CFAP45: variants seen among roughly 807,000 people sequenced by gnomAD.
CFAP45 encodes the protein cilia- and flagella-associated protein 45.
Under a neutral mutation model 75.6 loss-of-function variants are expected in CFAP45, and 43 were observed. The observed-to-expected ratio is 0.57, with a 90% CI of 0.45 to 0.73. The LOEUF is 0.73. Ranked by LOEUF, CFAP45 falls within the 30% of genes least tolerant of loss-of-function variation. CFAP45 has a pLI of 0.00. For missense variants in CFAP45, 689 were observed against 701.5 expected (o/e 0.98, Z 0.20); for synonymous variants, 223 against 244.6 (o/e 0.91, Z 0.82).
At chr1:159,878,992 C>T (rs767128139) in intron 8 of CFAP45, among the ~76,000 whole-genome samples, 2 of 152,066 alleles carry the variant, frequency 1.3e-5, no homozygotes, top group Non-Finnish European at 2.9e-5. Flanking sequence ...ACCGTGAGGT[C>T]GGTAAGGGCT....
intron 10 of CFAP45, chr1:159,873,485 G>T (rs1247121064): frequency 2.7e-6 from 1 of 375,302 alleles, no homozygotes; most frequent in Admixed American, 4.1e-5. Flanking sequence ...TTTGAACAAG[G>T]GAGTCCACAC....
chr1:159,878,753 T>TAAAAAAAAACAAAAAAAAAA (rs1649469678), intron 8 of CFAP45, among the ~76,000 whole-genome samples: 1 of 32,496 alleles, frequency 3.1e-5, no homozygotes. Context: ...AGACTACATC[T>TAAAAAAAAACAAAAAAAAAA]AAAAAAAAAA....
intron 1 of CFAP45, among the ~76,000 whole-genome samples, chr1:159,898,556 G>C (rs1386319839): frequency 6.6e-6 from 1 of 152,160 alleles, no homozygotes; most frequent in Non-Finnish European, 1.5e-5. Flanking sequence ...TTACAGAGGG[G>C]CTCAGTGAGT....
At chr1:159,879,889 C>A (rs1426936578) in intron 8 of CFAP45, among the ~76,000 whole-genome samples, 3 of 152,172 alleles carry the variant, frequency 2.0e-5, no homozygotes, top group Non-Finnish European at 4.4e-5. Context: ...ACCTTGAGTA[C>A]TTCCTCCTCT....
chr1:159,872,841 C>T (rs1159263172), intron 11 of CFAP45, 103 bp downstream of exon 11: 4 of 1,154,410 alleles, frequency 3.5e-6, no homozygotes, highest in Non-Finnish European at 3.8e-6. Flanking sequence ...CTGAGCATCT[C>T]TGCCATGGCC....
At chr1:159,876,085 T>G (rs987655324) in intron 10 of CFAP45, among the ~76,000 whole-genome samples, 1 of 152,204 alleles carries the variant, frequency 6.6e-6, no homozygotes, top group African/African-American at 2.4e-5. Flanking sequence ...CACAGAGCCC[T>G]GCATTTCTGT....
intron 8 of CFAP45, 24 bp from the exon 9 acceptor site, chr1:159,877,486 G>T: frequency 6.5e-7 from 1 of 1,538,578 alleles, no homozygotes; most frequent in Non-Finnish European, 9.0e-7. Context: ...AGGCCTTGTA[G>T]AATAGTTGCC....
At position 159,877,411 on chromosome 1, in the gene CFAP45, C is replaced by G. The variant is rs1649428668; in HGVS notation, c.1096G>C (p.Glu366Gln). ...AEQERIRREK[E>Q]KEIARLRAMQ... Reference sequence around the variant, plus strand: ...GCCCTCAAGCGTGCGATCTCCTTCTCTTTCTCCCTCCGGATTCTCTCCTGC... The same window carrying G: ...GCCCTCAAGCGTGCGATCTCCTTCTGTTTCTCCCTCCGGATTCTCTCCTGC... Residue 366 changes from glutamate to glutamine, a missense_variant, in exon 9 of 12, where the codon GAG becomes CAG. By Grantham distance (29) the Glu-to-Gln change is conservative (BLOSUM62 2). Coordinates refer to ENST00000368099, the MANE Select transcript of CFAP45 (RefSeq NM_012337.3). The G allele has an allele frequency of 6.2e-7, 1 of 1,614,176 alleles. No homozygotes were observed. The highest frequency in any genetic ancestry group is 8.5e-7 in the Non-Finnish European group (1 of 1,180,010).
At chr1:159,881,012 C>T (rs986727575) in intron 7 of CFAP45, among the ~76,000 whole-genome samples, 1 of 152,206 alleles carries the variant, frequency 6.6e-6, no homozygotes, top group Non-Finnish European at 1.5e-5. Context: ...CTAAATCCTA[C>T]CCCTGTGGCT....
At position 159,880,708 on chromosome 1, in the gene CFAP45, C is replaced by A; in HGVS notation, c.898-8G>T. Reference sequence around the variant, plus strand: ...CTGCCTTCGTTCCATGTCCTGCCAGCAAAAGAAAGAGAGCCTCAGAGTACA... The same window carrying A: ...CTGCCTTCGTTCCATGTCCTGCCAGAAAAAGAAAGAGAGCCTCAGAGTACA... On this transcript the variant is annotated splice_region_variant and splice_polypyrimidine_tract_variant and intron_variant, in intron 7 of 11. Coordinates refer to ENST00000368099, the MANE Select transcript of CFAP45 (RefSeq NM_012337.3). The A allele has an allele frequency of 1.2e-6, 2 of 1,613,148 alleles. No individual in the cohort carries two copies. Among genetic ancestry groups the A allele is most frequent in the Non-Finnish European group, 1.7e-6 (2 of 1,179,566 alleles).
Position 159,887,922 on chromosome 1 carries a change from G to A in CFAP45, c.507C>T (p.Ala169=), listed in dbSNP as rs765162327. 6.1e-5 allele frequency: 99 copies of A among 1,614,062 alleles called. No individual in the cohort carries two copies. The highest frequency in any genetic ancestry group is 8.2e-5 in the Non-Finnish European group (97 of 1,180,040). Residue 169 remains alanine (A), a synonymous_variant, in exon 5 of 12, where the codon GCC becomes GCT. Coordinates refer to ENST00000368099, the MANE Select transcript of CFAP45 (RefSeq NM_012337.3). ...GCAGGAGGTTCTGGGCCCGTTCCTT[G>A]GCCACCTCCTCCAGGTCACTGAGCT... ...NKKLSDLEEV[A]KERAQNLLQR...
At chr1:159,882,060 G>A (rs1034942295) in intron 7 of CFAP45, among the ~76,000 whole-genome samples, 14 of 152,274 alleles carry the variant, frequency 9.2e-5, no homozygotes, top group African/African-American at 3.4e-4. Context: ...TTGGCTCACT[G>A]CCCAGTTCAA....
chr1:159,890,658 AC>A, intron 2 of CFAP45, 36 bp from the exon 3 acceptor site: 3 of 1,605,464 alleles, frequency 1.9e-6, no homozygotes, highest in Non-Finnish European at 2.6e-6. Flanking sequence ...GAAGCTTGTC[AC>A]CCCCACTTCC....
chr1:159,877,011 C>A (rs146487217), intron 9 of CFAP45, among the ~76,000 whole-genome samples: 1 of 152,356 alleles, frequency 6.6e-6, no homozygotes, highest in Non-Finnish European at 1.5e-5. Context: ...CATCTCCAGG[C>A]AGTCTTGAAA....
chr1:159,900,120 C>T lies in CFAP45; in HGVS notation c.-22G>A, dbSNP rs772539960. On this transcript the variant is annotated 5_prime_UTR_variant, in exon 1 of 12. Coordinates refer to ENST00000368099, the MANE Select transcript of CFAP45 (RefSeq NM_012337.3). ...CCATCTCCTCAGCCACACGCCCTGACTCCGGACTTCTGCTGCCGCCTCGGC... is the reference window on the plus strand; with the variant it reads ...CCATCTCCTCAGCCACACGCCCTGATTCCGGACTTCTGCTGCCGCCTCGGC... 4 of 1,614,182 alleles carry T rather than the reference C, an allele frequency of 2.5e-6. No homozygotes were observed. The highest frequency in any genetic ancestry group is 3.4e-6 in the Non-Finnish European group (4 of 1,180,016).
rs956516906 is a variant in CFAP45 at position 159,893,303 on chromosome 1, T to C, written c.6A>G (p.Pro2=). The C allele has an allele frequency of 2.5e-6, 4 of 1,612,848 alleles. No individual in the cohort carries two copies. Among genetic ancestry groups the C allele is most frequent in the Non-Finnish European group, 3.4e-6 (4 of 1,179,838 alleles). Residue 2 remains proline, a splice_region_variant and synonymous_variant, in exon 2 of 12, where the codon CCA becomes CCG. Coordinates refer to ENST00000368099, the MANE Select transcript of CFAP45 (RefSeq NM_012337.3). M[P]LSTAGILSSS... ...AGCTCAGGATGCCAGCTGTGCTTAGTGGCTGCAGGAAGAGGCAGAAAGTTT... is the reference window on the plus strand; with the variant it reads ...AGCTCAGGATGCCAGCTGTGCTTAGCGGCTGCAGGAAGAGGCAGAAAGTTT...
chr1:159,879,452 C>T (rs1029348885), intron 8 of CFAP45, among the ~76,000 whole-genome samples: 3 of 152,182 alleles, frequency 2.0e-5, no homozygotes, highest in Non-Finnish European at 4.4e-5. Flanking sequence ...CATCAGTGAC[C>T]ATTTCACAGG....
intron 3 of CFAP45, among the ~76,000 whole-genome samples, chr1:159,889,958 G>C (rs534051372): frequency 5.4e-4 from 83 of 152,326 alleles, no homozygotes; most frequent in South Asian, 1.0e-3. Context: ...CTCAAGCCTG[G>C]GGGCAGCTCT....
chr1:159,889,438 A>G (rs1284653455), intron 3 of CFAP45, among the ~76,000 whole-genome samples: 1 of 152,168 alleles, frequency 6.6e-6, no homozygotes, highest in Non-Finnish European at 1.5e-5. Flanking sequence ...AGATGGACAG[A>G]ATGAGTGAGT....
Sources: gnomAD v4.1 joint callset for allele counts (sites outside exome capture counted in the v4.1 genomes callset) on GRCh38, gnomAD v4.1.1 for gene constraint, MANE v1.5 for transcripts, NCBI Gene and HGNC (gene_info 2026-07-23, HGNC 2026-07-21) for gene names.